The following PLCB4 variants were observed in gnomAD, a reference collection of about 807,000 sequenced individuals.
PLCB4 encodes the protein 1-phosphatidylinositol 4,5-bisphosphate phosphodiesterase beta-4.
PLCB4 carries 77 observed loss-of-function variants against 178.8 expected under a neutral mutation model. The ratio of observed to expected loss-of-function variants is 0.43; its 90% CI spans 0.36 to 0.52. The LOEUF (loss-of-function observed/expected upper bound fraction) is 0.52, where lower values mean the gene tolerates loss of function less well. Ranked by LOEUF, PLCB4 falls within the 20% of genes least tolerant of loss-of-function variation. The pLI is 0.00. For missense variants in PLCB4, 1,024 were observed against 1,453.4 expected (o/e 0.70, Z 4.80); for synonymous variants, 496 against 490.8 (o/e 1.01, Z -0.14).
chr20:9,112,953 C>G (rs2091635643), intron 2 of PLCB4, among the ~76,000 whole-genome samples: 1 of 152,006 alleles, frequency 6.6e-6, no homozygotes, highest in Non-Finnish European at 1.5e-5. Context: ...AAAAGCAGGC[C>G]TTGCTGAAGG....
chr20:9,194,350 CA>C (rs2093442149), intron 2 of PLCB4, among the ~76,000 whole-genome samples: 1 of 152,068 alleles, frequency 6.6e-6, no homozygotes, highest in Non-Finnish European at 1.5e-5. Flanking sequence ...ATTTTAGCTA[CA>C]TTTTTTTTTC....
chr20:9,332,798 TGG>T (rs1300404515), intron 4 of PLCB4, among the ~76,000 whole-genome samples: 1 of 152,222 alleles, frequency 6.6e-6, no homozygotes, highest in Non-Finnish European at 1.5e-5. Context: ...CCTTTTACTC[TGG>T]CCTTAGTTTA....
At chr20:9,088,257 G>A (rs1193596034) in intron 1 of PLCB4, among the ~76,000 whole-genome samples, 5 of 150,350 alleles carry the variant, frequency 3.3e-5, no homozygotes, top group Non-Finnish European at 5.9e-5. Context: ...TCTTTGAAGA[G>A]TTTGCTGCAG....
chr20:9,318,916 A>G (rs2094929769), intron 4 of PLCB4, among the ~76,000 whole-genome samples: 1 of 152,178 alleles, frequency 6.6e-6, no homozygotes, highest in Admixed American at 6.5e-5. Flanking sequence ...AATGCTCAAT[A>G]TTAGCTACCT....
chr20:9,180,430 A>T (rs2093226224), intron 2 of PLCB4, among the ~76,000 whole-genome samples: 1 of 152,186 alleles, frequency 6.6e-6, no homozygotes, highest in Non-Finnish European at 1.5e-5. Flanking sequence ...TGAATTCTGC[A>T]AATTGGGGCA....
intron 4 of PLCB4, among the ~76,000 whole-genome samples, chr20:9,330,410 A>G (rs6056555): frequency 0.012 from 1,820 of 152,240 alleles, 38 homozygotes; most frequent in African/African-American, 0.038. Flanking sequence ...TGAGTCTCAT[A>G]TGTACCTAGT....
intron 21 of PLCB4, 141 bp from the exon 22 acceptor site, chr20:9,407,776 C>G (rs1193040463): frequency 5.0e-6 from 3 of 604,886 alleles, no homozygotes; most frequent in Non-Finnish European, 8.3e-6. Context: ...TTAAAGTATC[C>G]TTTAGCATAA....
At chr20:9,365,002 G>A (rs886874687) in intron 8 of PLCB4, among the ~76,000 whole-genome samples, 5 of 152,244 alleles carry the variant, frequency 3.3e-5, no homozygotes, top group South Asian at 2.1e-4. Flanking sequence ...TGCTGTCACC[G>A]TGCAGTTGCA....
chr20:9,319,321 A>C (rs1325716722), intron 4 of PLCB4, among the ~76,000 whole-genome samples: 1 of 152,100 alleles, frequency 6.6e-6, no homozygotes, highest in African/African-American at 2.4e-5. Flanking sequence ...TGAATTCCCT[A>C]TTCCTGAAAA....
At chr20:9,340,547 AG>A (rs1256677744) in intron 7 of PLCB4, among the ~76,000 whole-genome samples, 2 of 152,168 alleles carry the variant, frequency 1.3e-5, no homozygotes, top group Non-Finnish European at 2.9e-5. Flanking sequence ...GCTATCGTTC[AG>A]GTCACCTCAC....
intron 1 of PLCB4, among the ~76,000 whole-genome samples, chr20:9,079,776 C>T (rs887429921): frequency 6.6e-6 from 1 of 152,112 alleles, no homozygotes; most frequent in African/African-American, 2.4e-5. Context: ...TTCTACAATA[C>T]CACATGGCTG....
At chr20:9,386,571 C>G (rs979111531) in intron 14 of PLCB4, among the ~76,000 whole-genome samples, 1 of 151,648 alleles carries the variant, frequency 6.6e-6, no homozygotes, top group African/African-American at 2.4e-5. Flanking sequence ...CTCTGAATAC[C>G]TGAGTATGAA....
intron 4 of PLCB4, among the ~76,000 whole-genome samples, chr20:9,336,102 A>T (rs2032420732): frequency 6.6e-6 from 1 of 152,106 alleles, no homozygotes. Flanking sequence ...CACTGCCTTG[A>T]TCCATGTTTG....
At position 9,373,074 on chromosome 20, in the gene PLCB4, G is replaced by A. The variant is rs764616506; in HGVS notation, c.714G>A (p.Thr238=). ...ATGGAGACAAAACTGATTATTTAAC[G>A]GTAGACCAATTAGTGAGCTTTCTAA... ...KINGDKTDYL[T]VDQLVSFLNE... is the part of the protein sequence containing the mutation. The change falls in exon 12 of 40, where the codon ACG becomes ACA. Residue 238 remains threonine (T), a synonymous_variant. Coordinates refer to ENST00000378473, the MANE Select transcript of PLCB4 (RefSeq NM_001377142.1). The A allele has an allele frequency of 8.4e-6, 13 of 1,539,886 alleles. No homozygotes were observed. Among genetic ancestry groups the A allele is most frequent in the East Asian group, 6.7e-5 (3 of 44,470 alleles).
At chr20:9,398,875 G>T (rs977146210) in intron 19 of PLCB4, among the ~76,000 whole-genome samples, 2 of 152,078 alleles carry the variant, frequency 1.3e-5, no homozygotes, top group Non-Finnish European at 2.9e-5. Flanking sequence ...ATCCCACAGC[G>T]GGCAACCGAT....
Position 9,479,236 on chromosome 20 carries a change from G to A in PLCB4, c.*227G>A. 2 of 540,830 alleles carry A rather than the reference G, an allele frequency of 3.7e-6. No individual in the cohort carries two copies. Among genetic ancestry groups the A allele is most frequent in the Non-Finnish European group, 6.6e-6 (2 of 301,280 alleles). The allele number at this position is 540,830 out of a possible 1,614,324, so 33.5% of individuals were successfully genotyped here. The stretch of plus-strand genomic sequence containing the variant: ...CACAAAAATTTACTATTCCAGTAAG[G>A]CAGAGTCCAACCATTGATAATACAA... On this transcript the variant is annotated 3_prime_UTR_variant, in exon 40 of 40. Transcript: ENST00000378473.
At chr20:9,152,591 A>T (rs1487322744) in intron 2 of PLCB4, among the ~76,000 whole-genome samples, 2 of 152,162 alleles carry the variant, frequency 1.3e-5, no homozygotes, top group African/African-American at 2.4e-5. Flanking sequence ...ATTTCAGAAG[A>T]TGTACGGAAA....
chr20:9,195,759 A>T (rs1289549269), intron 2 of PLCB4, among the ~76,000 whole-genome samples: 1 of 151,960 alleles, frequency 6.6e-6, no homozygotes, highest in Admixed American at 6.6e-5. Flanking sequence ...GGCCTCCCTA[A>T]CTGCATGAGC....
intron 9 of PLCB4, among the ~76,000 whole-genome samples, chr20:9,367,084 C>A (rs562442495): frequency 1.1e-4 from 16 of 152,320 alleles, no homozygotes; most frequent in African/African-American, 3.8e-4. Flanking sequence ...TTCCATTCTG[C>A]ATCCCTGTGA....
Sources: gnomAD v4.1 joint callset for allele counts (sites outside exome capture counted in the v4.1 genomes callset) on GRCh38, gnomAD v4.1.1 for gene constraint, MANE v1.5 for transcripts, NCBI Gene and HGNC (gene_info 2026-07-23, HGNC 2026-07-21) for gene names.